Variants in ZAN observed in about 807,000 individuals in gnomAD.
ZAN encodes zonadhesin, also known as zonadhesin (gene/pseudogene).
Under a neutral mutation model 286.2 loss-of-function variants are expected in ZAN, and 260 were observed. The ratio of observed to expected loss-of-function variants is 0.91; its 90% CI spans 0.82 to 1.01. The LOEUF (loss-of-function observed/expected upper bound fraction) is 1.01. ZAN is among the 50% of genes least tolerant of loss of function. The pLI, the probability that ZAN is intolerant of heterozygous loss-of-function variation, is 0.00. For synonymous variants in ZAN, 1,368 were observed against 1,417.5 expected (o/e 0.97, Z 0.79); for missense variants, 3,410 against 3,639.2 (o/e 0.94, Z 1.62).
chr7:100,779,753 G>C lies in ZAN; in HGVS notation c.6622+3G>C. ...CTGGAGAAACAGCAGCTTCTGCCGT[G>C]AGTGTGCCCTGCTGTCACCCCAAAC... On this transcript the variant is annotated splice_donor_region_variant and intron_variant, in intron 35 of 47. Transcript: ENST00000613979. 1 of 1,548,050 alleles carries C rather than the reference G, an allele frequency of 6.5e-7. No individual in the cohort carries two copies. The highest frequency in any genetic ancestry group is 8.7e-7 in the Non-Finnish European group (1 of 1,146,724).
At chr7:100,772,469 A>C (rs1032531469) in intron 29 of ZAN, among the ~76,000 whole-genome samples, 2 of 151,704 alleles carry the variant, frequency 1.3e-5, no homozygotes, top group African/African-American at 4.8e-5. Context: ...TTCTGGCAGT[A>C]GATGGTGGTA....
intron 31 of ZAN, 30 bp downstream of exon 31, chr7:100,773,895 C>T: frequency 1.3e-6 from 2 of 1,581,124 alleles, no homozygotes; most frequent in Non-Finnish European, 1.7e-6. Context: ...GGGGGGACTC[C>T]ACAGCCCTGA....
chr7:100,762,361 G>C lies in ZAN; in HGVS notation c.3986+3G>C. The C allele has an allele frequency of 1.2e-6, 2 of 1,600,574 alleles. No individual in the cohort carries two copies. Among genetic ancestry groups the C allele is most frequent in the Non-Finnish European group, 1.7e-6 (2 of 1,171,894 alleles). ...ACGGACCAGGACGAGGACCAGGAGTGAGCAAGGAGCCCTCCCACCGGGGCC... is the reference window on the plus strand; with the variant it reads ...ACGGACCAGGACGAGGACCAGGAGTCAGCAAGGAGCCCTCCCACCGGGGCC... On this transcript the variant is annotated splice_donor_region_variant and intron_variant, in intron 20 of 47. Coordinates refer to ENST00000613979, the MANE Select transcript of ZAN (RefSeq NM_003386.3).
intron 8 of ZAN, 103 bp downstream of exon 8, chr7:100,746,805 G>T (rs80134072): frequency 7.4e-7 from 1 of 1,357,924 alleles, no homozygotes; most frequent in Non-Finnish European, 1.0e-6. Context: ...AGGGAGGTCT[G>T]GAATATGTGC....
At chr7:100,786,325 G>A (rs541748183) in intron 37 of ZAN, among the ~76,000 whole-genome samples, 184 bp downstream of exon 37, 1 of 152,328 alleles carries the variant, frequency 6.6e-6, no homozygotes. Flanking sequence ...CCATGTGCCA[G>A]GTCCTGATCC....
In ZAN at chr7:100,750,667, C is replaced by A. The variant is rs1197008966; in HGVS notation, c.1292C>A (p.Ala431Glu). The change falls in exon 12 of 48, where the codon GCA becomes GAA. Residue 431 changes from alanine to glutamate, a missense_variant. Around this residue, in one of 7 missense-constraint regions of ZAN, gnomAD observed 872 missense variants for 938.9 expected, o/e 0.93. Transcript: ENST00000613979. ...CTTGAGGCTGACGAGTTCTCCCAGG[C>A]AGGCCAGTCAGTCAGACTGGTGAGC... ...IYLEADEFSQ[A>E]GQSVRLVSRP... The A allele has an allele frequency of 6.2e-7, 1 of 1,613,442 alleles. No homozygotes were observed. Among genetic ancestry groups the A allele is most frequent in the South Asian group, 1.1e-5 (1 of 90,906 alleles).
At position 100,794,179 on chromosome 7, in the gene ZAN, G is replaced by C; in HGVS notation, c.8046G>C (p.Arg2682=). The change falls in exon 44 of 48, where the codon CGG becomes CGC. Residue 2682 remains arginine, a synonymous_variant. Coordinates refer to ENST00000613979, the MANE Select transcript of ZAN (RefSeq NM_003386.3). ...AGCGGTGCACCTGTGCCAGCTCACG[G>C]ATCCTGCTGTGTGAGCCCTTCAGCT... ...CSQRCTCASS[R]ILLCEPFSCR... 3 of 1,614,026 alleles carry C rather than the reference G, an allele frequency of 1.9e-6. No individual in the cohort carries two copies. Among genetic ancestry groups the C allele is most frequent in the Non-Finnish European group, 2.5e-6 (3 of 1,179,886 alleles).
chr7:100,769,646 GC>G (rs763738547), intron 27 of ZAN, among the ~76,000 whole-genome samples: 2 of 151,710 alleles, frequency 1.3e-5, no homozygotes, highest in Non-Finnish European at 2.9e-5. Flanking sequence ...CTGGGCTCAA[GC>G]CATCCTCCCA....
intron 35 of ZAN, among the ~76,000 whole-genome samples, chr7:100,783,055 G>A (rs983253449): frequency 1.1e-4 from 17 of 152,178 alleles, no homozygotes; most frequent in African/African-American, 3.9e-4. Context: ...ATCACCTGAG[G>A]TCAGGAGTTT....
chr7:100,777,377 T>C (rs1487393361), intron 34 of ZAN, among the ~76,000 whole-genome samples: 2 of 145,704 alleles, frequency 1.4e-5, no homozygotes, highest in Non-Finnish European at 3.0e-5. Context: ...CTTTTTGAGA[T>C]GGAGTTTTGC....
chr7:100,775,898 G>T, intron 33 of ZAN, 65 bp downstream of exon 33: 1 of 1,582,626 alleles, frequency 6.3e-7, no homozygotes, highest in Non-Finnish European at 8.6e-7. Context: ...GGCCGGCAGG[G>T]ATGGGGGGCA....
chr7:100,758,312 T>TAAGAATGGCCAGTATGGATGCA lies in ZAN; in HGVS notation c.3441_3442insAAAGAATGGCCAGTATGGATGC (p.His1148LysfsTer28), dbSNP rs1346172762. On this transcript the variant is annotated frameshift_variant, in exon 16 of 48. Transcript: ENST00000613979. LOFTEE classifies it high-confidence loss of function. ...GTGGGACACACACCGTGTGCCAGCT[T>TAAGAATGGCCAGTATGGATGCA]AAGAATGGCCAGTATGGATGCCACC... The TAAGAATGGCCAGTATGGATGCA allele has an allele frequency of 2.5e-6, 4 of 1,613,190 alleles. No homozygotes were observed. Among genetic ancestry groups the TAAGAATGGCCAGTATGGATGCA allele is most frequent in the Non-Finnish European group, 3.4e-6 (4 of 1,179,848 alleles).
At chr7:100,793,525 C>A (rs915678251) in intron 42 of ZAN, among the ~76,000 whole-genome samples, 2 of 151,884 alleles carry the variant, frequency 1.3e-5, no homozygotes, top group African/African-American at 4.8e-5. Flanking sequence ...CTGCAACCTC[C>A]GCCTCCTGGG....
At chr7:100,789,168 C>G (rs748711375) in intron 38 of ZAN, 50 bp from the exon 39 acceptor site, 2 of 1,570,914 alleles carry the variant, frequency 1.3e-6, no homozygotes, top group South Asian at 2.3e-5. Context: ...GAAATGGCAG[C>G]AGGTCAGGAG....
chr7:100,748,875 ATT>A (rs11353419), intron 11 of ZAN, among the ~76,000 whole-genome samples: 12 of 150,888 alleles, frequency 8.0e-5, no homozygotes, highest in Admixed American at 2.0e-4. Flanking sequence ...AGAAAAAAAA[ATT>A]TTTTTTTAAT....
Position 100,788,131 on chromosome 7 carries a change from C to T in ZAN, c.7222C>T (p.Leu2408Phe). 1 of 1,491,936 alleles carries T rather than the reference C, an allele frequency of 6.7e-7. No individual in the cohort carries two copies. The highest frequency in any genetic ancestry group is 1.4e-5 in the African/African-American group (1 of 72,522). The allele number at this position is 1,491,936 out of a possible 1,614,324, so 92.4% of individuals were successfully genotyped here. A position where few individuals can be genotyped will look rare whatever the true frequency, so the allele number is the denominator to read the frequency against. The part of the protein sequence containing the change: ...YKVQLQAGLE[L>F]VVNNQKMAVP... ...AGTGCAGCTCCAAGCTGGTCTGGAG[C>T]TTGTGGTAAGAGCTGGGCCAGGGCC... The change falls in exon 38 of 48, where the codon CTT becomes TTT. Residue 2408 changes from leucine (L) to phenylalanine (F), a missense_variant. Physicochemically the swap from Leu to Phe is conservative, Grantham distance 22. Around this residue, in one of 7 missense-constraint regions of ZAN, gnomAD observed 1,289 missense variants for 1,314.3 expected, o/e 0.98. Coordinates refer to ENST00000613979, the MANE Select transcript of ZAN (RefSeq NM_003386.3).
intron 30 of ZAN, 48 bp downstream of exon 30, chr7:100,773,541 T>A (rs1388932740): frequency 6.3e-7 from 1 of 1,599,550 alleles, no homozygotes; most frequent in African/African-American, 1.3e-5. Flanking sequence ...GCCCACATGT[T>A]TGGGGTCAGG....
At chr7:100,762,508 C>G in intron 20 of ZAN, 150 bp downstream of exon 20, 1 of 1,098,752 alleles carries the variant, frequency 9.1e-7, no homozygotes, top group South Asian at 1.8e-5. Context: ...TCACTGCAAC[C>G]TCCGCCTCCC....
rs1401239954 is a variant in ZAN, at chr7:100,783,781, T to C, written c.6623-842T>C. On this transcript the variant is annotated intron_variant, in intron 35 of 47. Coordinates refer to ENST00000613979, the MANE Select transcript of ZAN (RefSeq NM_003386.3). The stretch of plus-strand genomic sequence containing the variant: ...AAAAAAAAATATATATATATATATA[T>C]ATACACATATATATATATACACACA... Among the ~76,000 whole-genome samples, 9 of 15,256 alleles carry C rather than the reference T, an allele frequency of 5.9e-4. 3 individuals carry two copies. The highest frequency in any genetic ancestry group is 1.8e-3 in the Non-Finnish European group (9 of 4,980). 10.0% of individuals were successfully genotyped at this position (15,256 alleles called of 152,430 possible).
Sources: allele counts gnomAD v4.1 joint callset (sites outside exome capture counted in the v4.1 genomes callset), GRCh38; gene constraint gnomAD v4.1.1; regional missense constraint gnomAD v4.1.1; transcripts MANE v1.5; gene names NCBI Gene and HGNC (gene_info 2026-07-23, HGNC 2026-07-21).